The following LRFN5 variants were observed in gnomAD, a reference collection of about 807,000 sequenced individuals.
The protein encoded by LRFN5 is leucine rich repeat and fibronectin type III domain containing 5, also known as leucine-rich repeat and fibronectin type-III domain-containing protein 5.
LRFN5 carries 24 observed loss-of-function variants against 45.6 expected under a neutral mutation model. The observed-to-expected ratio is 0.53, with a 90% CI of 0.38 to 0.74. LRFN5 has a LOEUF of 0.74. Ranked by LOEUF, LRFN5 falls within the 30% of genes least tolerant of loss-of-function variation. The pLI is 0.00. For missense variants in LRFN5, 776 were observed against 861.5 expected (o/e 0.90, Z 1.24); for synonymous variants, 340 against 313.8 (o/e 1.08, Z -0.88).
chr14:41,880,085 G>A (rs186154292), intron 2 of LRFN5, among the ~76,000 whole-genome samples: 55 of 151,272 alleles, frequency 3.6e-4, no homozygotes, highest in Non-Finnish European at 6.9e-4. Flanking sequence ...CCACCATCAC[G>A]CCGGGATAAT....
Position 41,891,899 on chromosome 14 carries a change from G to A in LRFN5, c.2035G>A (p.Ala679Thr). 6.2e-7 allele frequency: 1 copy of A among 1,614,134 alleles called. No homozygotes were observed. Among genetic ancestry groups the A allele is most frequent in the Admixed American group, 1.7e-5 (1 of 60,008 alleles). The change falls in exon 4 of 6, where the codon GCT becomes ACT. Residue 679 changes from alanine to threonine, a missense_variant. Transcript: ENST00000298119. ...NRNNSTALQL[A>T]SRPPDSVTEG... ...GAACAACTCAACTGCCTTGCAGTTA[G>A]CTAGCCGTCCTCCCGATTCTGTCAC... is the stretch of plus-strand genomic sequence containing the variant.
intron 1 of LRFN5, among the ~76,000 whole-genome samples, chr14:41,705,427 AATAC>A (rs1271019559): frequency 6.6e-6 from 1 of 152,212 alleles, no homozygotes; most frequent in Admixed American, 6.5e-5. Context: ...TATATGAAAT[AATAC>A]ATACTATTTT....
At chr14:41,856,201 C>G (rs1162331839) in intron 2 of LRFN5, among the ~76,000 whole-genome samples, 2 of 152,134 alleles carry the variant, frequency 1.3e-5, no homozygotes, top group Non-Finnish European at 2.9e-5. Flanking sequence ...AAATTACTGA[C>G]CATGCTTAAT....
chr14:41,759,842 T>C (rs1229790041), intron 1 of LRFN5, among the ~76,000 whole-genome samples: 2 of 152,250 alleles, frequency 1.3e-5, no homozygotes, highest in Non-Finnish European at 2.9e-5. Context: ...TTTCTAGATA[T>C]TCATTTTCTA....
At chr14:41,624,560 T>C (rs1888258267) in intron 1 of LRFN5, among the ~76,000 whole-genome samples, 1 of 152,160 alleles carries the variant, frequency 6.6e-6, no homozygotes, top group African/African-American at 2.4e-5. Context: ...AAAAGTGCTC[T>C]GAACACTCAC....
intron 2 of LRFN5, among the ~76,000 whole-genome samples, chr14:41,856,347 C>T (rs1889450846): frequency 1.3e-5 from 2 of 152,130 alleles, no homozygotes; most frequent in Non-Finnish European, 2.9e-5. Context: ...CATTAGACCT[C>T]GTGGTATGTT....
At chr14:41,772,226 T>G (rs1886115882) in intron 2 of LRFN5, among the ~76,000 whole-genome samples, 1 of 152,142 alleles carries the variant, frequency 6.6e-6, no homozygotes, top group African/African-American at 2.4e-5. Context: ...AAATCCACCC[T>G]CATGATCCAA....
At chr14:41,880,022 G>T (rs1233814135) in intron 2 of LRFN5, among the ~76,000 whole-genome samples, 1 of 147,622 alleles carries the variant, frequency 6.8e-6, no homozygotes. Flanking sequence ...CTGCCTCCTG[G>T]GTTCGCGTCA....
chr14:41,744,903 T>C (rs1884859365), intron 1 of LRFN5, among the ~76,000 whole-genome samples: 1 of 152,042 alleles, frequency 6.6e-6, no homozygotes, highest in African/African-American at 2.4e-5. Context: ...AAGTAAAAAC[T>C]GATGGAATTG....
intron 1 of LRFN5, among the ~76,000 whole-genome samples, chr14:41,712,636 T>C (rs758799133): frequency 2.0e-5 from 3 of 152,118 alleles, no homozygotes; most frequent in Non-Finnish European, 4.4e-5. Context: ...TTCTACCAAA[T>C]CACAACAATT....
At chr14:41,798,764 A>T (rs1313242362) in intron 2 of LRFN5, among the ~76,000 whole-genome samples, 1 of 151,760 alleles carries the variant, frequency 6.6e-6, no homozygotes, top group African/African-American at 2.4e-5. Flanking sequence ...GCCTTTTATC[A>T]TGTTTTTCTT....
chr14:41,608,983 C>T (rs1219219161), intron 1 of LRFN5, among the ~76,000 whole-genome samples: 1 of 152,158 alleles, frequency 6.6e-6, no homozygotes, highest in Non-Finnish European at 1.5e-5. Flanking sequence ...TCTTTTCTAC[C>T]CTTTTCTACC....
intron 2 of LRFN5, among the ~76,000 whole-genome samples, chr14:41,851,066 A>G (rs1889248907): frequency 6.6e-6 from 1 of 151,700 alleles, no homozygotes; most frequent in South Asian, 2.1e-4. Flanking sequence ...TTGCTTCAAT[A>G]CAATTAATTT....
At chr14:41,805,390 T>TTTTATTTATTTATTTA (rs60289355) in intron 2 of LRFN5, among the ~76,000 whole-genome samples, 16 of 146,138 alleles carry the variant, frequency 1.1e-4, no homozygotes, top group East Asian at 6.1e-4. Context: ...ATAAGTTTTA[T>TTTTATTTATTTATTTA]TTTATTTATT....
rs1295990013 is a variant in LRFN5 at position 41,856,683 on chromosome 14, T to A, written c.-20-29923T>A. Among the ~76,000 whole-genome samples, 33 of 69,262 alleles carry A rather than the reference T, an allele frequency of 4.8e-4. 1 individual carries two copies. The highest frequency in any genetic ancestry group is 1.6e-3 in the African/African-American group (32 of 19,784). The allele number at this position is 69,262 out of a possible 152,430, so 45.4% of individuals were successfully genotyped here. On this transcript the variant is annotated intron_variant, in intron 2 of 5. Transcript: ENST00000298119. The stretch of plus-strand genomic sequence containing the variant: ...TAATTATTATTATTATTATTTTTTT[T>A]TTTTTTTTTTTGAGACGGAGTCTCG...
intron 4 of LRFN5, among the ~76,000 whole-genome samples, chr14:41,896,380 C>A (rs943446758): frequency 1.2e-4 from 19 of 152,164 alleles, no homozygotes; most frequent in African/African-American, 4.3e-4. Flanking sequence ...GTTCAGCCTT[C>A]CCTTGTTTCA....
chr14:41,808,050 G>C (rs1887581861), intron 2 of LRFN5, among the ~76,000 whole-genome samples: 1 of 150,352 alleles, frequency 6.7e-6, no homozygotes. Flanking sequence ...CAAATATGTA[G>C]ACAAGCTAAC....
intron 1 of LRFN5, among the ~76,000 whole-genome samples, chr14:41,641,515 T>C (rs1399415583): frequency 1.3e-5 from 2 of 152,136 alleles, no homozygotes; most frequent in Non-Finnish European, 2.9e-5. Flanking sequence ...AAAATTACTA[T>C]TTTCCCATTT....
intron 2 of LRFN5, among the ~76,000 whole-genome samples, chr14:41,795,670 G>A (rs896810064): frequency 3.2e-4 from 49 of 151,814 alleles, no homozygotes; most frequent in African/African-American, 9.4e-4. Context: ...GCAAAGTATC[G>A]CAAGGACAGA....
Sources: allele counts gnomAD v4.1 joint callset (sites outside exome capture counted in the v4.1 genomes callset), GRCh38; gene constraint gnomAD v4.1.1; transcripts MANE v1.5; gene names NCBI Gene and HGNC (gene_info 2026-07-23, HGNC 2026-07-21).